PUM2: variants seen among roughly 807,000 people sequenced by gnomAD.
The protein encoded by PUM2 is pumilio RNA binding family member 2.
Under a neutral mutation model 124.5 loss-of-function variants are expected in PUM2, and 57 were observed. The observed-to-expected ratio is 0.46, with a 90% CI of 0.37 to 0.57. The LOEUF (loss-of-function observed/expected upper bound fraction) is 0.57, where lower values mean the gene tolerates loss of function less well. PUM2 is among the 20% of genes least tolerant of loss of function. The pLI, the probability that PUM2 is intolerant of heterozygous loss-of-function variation, is 0.00. For missense variants in PUM2, 1,065 were observed against 1,290.6 expected, an observed-to-expected ratio of 0.83 and a Z score of 2.68; for synonymous variants, 460 against 446.1, an observed-to-expected ratio of 1.03 and a Z score of -0.39.
intron 8 of PUM2, among the ~76,000 whole-genome samples, chr2:20,295,739 C>A (rs1675377833): frequency 6.6e-6 from 1 of 152,164 alleles, no homozygotes; most frequent in Non-Finnish European, 1.5e-5. Context: ...CTCATCCAAC[C>A]TAGCCAGGAG....
rs183685559 is a variant in PUM2, at chr2:20,325,747, G to A, written c.51+1563C>T. Among the ~76,000 whole-genome samples, 583 of 151,842 alleles carry A rather than the reference G, an allele frequency of 3.8e-3. 1 individual carries two copies. Among genetic ancestry groups the A allele is most frequent in the African/African-American group, 0.013 (543 of 41,424 alleles). On this transcript the variant is annotated intron_variant, in intron 2 of 20. Coordinates refer to ENST00000361078, the MANE Select transcript of PUM2 (RefSeq NM_015317.5). ...CGCCATTCTCCTGCCTCAGCCTCCC[G>A]AGTAGCTGGGACTACAGGCGCCTGC...
At chr2:20,320,714 T>C (rs1230983829) in intron 2 of PUM2, among the ~76,000 whole-genome samples, 4 of 152,152 alleles carry the variant, frequency 2.6e-5, no homozygotes, top group Non-Finnish European at 5.9e-5. Context: ...AAGTAAACTA[T>C]AACTTGTATT....
intron 1 of PUM2, among the ~76,000 whole-genome samples, chr2:20,336,796 GT>G (rs1572998079): frequency 3.2e-5 from 4 of 125,414 alleles, no homozygotes; most frequent in East Asian, 2.3e-4. Flanking sequence ...GTGTGTGTGT[GT>G]GTGTGGTACA....
intron 13 of PUM2, among the ~76,000 whole-genome samples, chr2:20,270,914 C>T (rs1432218205): frequency 1.3e-5 from 2 of 151,890 alleles, no homozygotes; most frequent in Non-Finnish European, 2.9e-5. Context: ...CCAATGTGTG[C>T]TAATTTTGGT....
upstream of PUM2, among the ~76,000 whole-genome samples, chr2:20,351,695 G>A (rs1558708885): frequency 6.6e-6 from 1 of 152,182 alleles, no homozygotes; most frequent in Non-Finnish European, 1.5e-5. Context: ...AACAGGCACC[G>A]TGTCCGATTT....
At chr2:20,263,842 G>T (rs1666889553) in intron 13 of PUM2, among the ~76,000 whole-genome samples, 1 of 152,086 alleles carries the variant, frequency 6.6e-6, no homozygotes, top group Non-Finnish European at 1.5e-5. Flanking sequence ...CACTGAAATA[G>T]ACTGAAATTC....
At position 20,263,433 on chromosome 2, in the gene PUM2, T is replaced by A; in HGVS notation, c.1985A>T (p.Tyr662Phe). 1.2e-6 allele frequency: 2 copies of A among 1,613,326 alleles called. No homozygotes were observed. The highest frequency in any genetic ancestry group is 8.5e-7 in the Non-Finnish European group (1 of 1,179,268). Residue 662 changes from tyrosine (Y) to phenylalanine (F), a missense_variant, in exon 14 of 21, where the codon TAT becomes TTT. Coordinates refer to ENST00000361078, the MANE Select transcript of PUM2 (RefSeq NM_015317.5). ...TTCTGCTCCAGGTGCTGCAGAGATA[T>A]ATCGACCACTACCATTTGTCAGTCC... ...LGGLTNGSGRYISAAPGAEAK... is the reference protein window; with the variant it reads ...LGGLTNGSGRFISAAPGAEAK...
chr2:20,351,175 CG>C (rs1476717014), upstream of PUM2, among the ~76,000 whole-genome samples: 1 of 152,186 alleles, frequency 6.6e-6, no homozygotes, highest in Non-Finnish European at 1.5e-5. Flanking sequence ...TTCTTACCCT[CG>C]GCTTCCTACC....
chr2:20,313,488 C>T (rs917021680), intron 3 of PUM2, among the ~76,000 whole-genome samples: 2 of 152,130 alleles, frequency 1.3e-5, no homozygotes, highest in Non-Finnish European at 2.9e-5. Context: ...AAGTTAACCT[C>T]CTTTTGACAA....
intron 7 of PUM2, among the ~76,000 whole-genome samples, chr2:20,299,563 G>C (rs1192370472): frequency 6.6e-6 from 1 of 152,078 alleles, no homozygotes; most frequent in African/African-American, 2.4e-5. Flanking sequence ...AGCTACTCGG[G>C]AGGCTGAGGC....
chr2:20,284,721 G>C (rs1672333504), intron 10 of PUM2, among the ~76,000 whole-genome samples: 1 of 152,138 alleles, frequency 6.6e-6, no homozygotes, highest in Admixed American at 6.5e-5. Flanking sequence ...GCAGAAGTGA[G>C]AGTTACAGTA....
intron 16 of PUM2, among the ~76,000 whole-genome samples, chr2:20,257,690 A>G (rs1301113206): frequency 6.6e-6 from 1 of 152,196 alleles, no homozygotes; most frequent in Non-Finnish European, 1.5e-5. Context: ...TTGATCAACA[A>G]TTCCTTTATT....
At chr2:20,350,850 C>CCCCT (rs1689250886), upstream of PUM2, 4 of 960,772 alleles carry the variant, frequency 4.2e-6, no homozygotes, top group African/African-American at 1.8e-5. Context: ...CCCCTCCCCC[C>CCCCT]CGCCCACCGG....
chr2:20,264,473 CAATA>C (rs1477879428), intron 13 of PUM2, among the ~76,000 whole-genome samples: 5 of 134,070 alleles, frequency 3.7e-5, no homozygotes, highest in Non-Finnish European at 7.7e-5. Context: ...TTATCATTTA[CAATA>C]AATAAAAAAC....
At chr2:20,302,194 T>C (rs1029717429) in intron 7 of PUM2, among the ~76,000 whole-genome samples, 2 of 152,174 alleles carry the variant, frequency 1.3e-5, no homozygotes, top group African/African-American at 4.8e-5. Context: ...TAAAGGCAGG[T>C]GCCAACACAC....
chr2:20,298,414 C>A (rs534107573), intron 7 of PUM2, among the ~76,000 whole-genome samples: 1 of 152,182 alleles, frequency 6.6e-6, no homozygotes, highest in African/African-American at 2.4e-5. Flanking sequence ...TAACATACGT[C>A]CATATGAATT....
Position 20,340,264 on chromosome 2 carries a change from C to T in PUM2, c.-19+10333G>A, listed in dbSNP as rs559932217. Among the ~76,000 whole-genome samples the T allele has an allele frequency of 2.0e-4, 30 of 152,282 alleles. 3 individuals carry two copies. Among genetic ancestry groups the T allele is most frequent in the African/African-American group, 7.0e-4 (29 of 41,562 alleles). On this transcript the variant is annotated intron_variant, in intron 1 of 20. Coordinates refer to ENST00000361078, the MANE Select transcript of PUM2 (RefSeq NM_015317.5). Reference sequence around the variant, plus strand: ...AATATGCCAGTTCTATAGAATGCTACGTTTCACTCCAACAGCAATGTAAGA... The same window carrying T: ...AATATGCCAGTTCTATAGAATGCTATGTTTCACTCCAACAGCAATGTAAGA...
In PUM2 at chr2:20,307,967, T is replaced by C; in HGVS notation, c.883+11A>G. On this transcript the variant is annotated intron_variant, in intron 7 of 20. Coordinates refer to ENST00000361078, the MANE Select transcript of PUM2 (RefSeq NM_015317.5). ...AGACTTTGGTCAAAATGAGAACGTA[T>C]GAAGACTCACCTATATGTGGCTGCT... 6.2e-7 allele frequency: 1 copy of C among 1,609,984 alleles called. No homozygotes were observed. Among genetic ancestry groups the C allele is most frequent in the Admixed American group, 1.7e-5 (1 of 59,708 alleles).
intron 16 of PUM2, 123 bp from the exon 17 acceptor site, chr2:20,256,293 T>C: frequency 1.1e-6 from 1 of 888,270 alleles, no homozygotes; most frequent in Non-Finnish European, 1.6e-6. Flanking sequence ...GTATTAAAAA[T>C]ACTGAGATGG....
Sources: gnomAD v4.1 joint callset for allele counts (sites outside exome capture counted in the v4.1 genomes callset) on GRCh38, gnomAD v4.1.1 for gene constraint, MANE v1.5 for transcripts, NCBI Gene and HGNC (gene_info 2026-07-23, HGNC 2026-07-21) for gene names.